The following HS2ST1 variants were observed in gnomAD, a reference collection of about 807,000 sequenced individuals.
HS2ST1 encodes heparan sulfate 2-O-sulfotransferase 1.
Under a neutral mutation model 42.9 loss-of-function variants are expected in HS2ST1, and 18 were observed. That is an observed-to-expected ratio of 0.42 (90% CI 0.29 to 0.62). The LOEUF is 0.62. Among genes scored for constraint, HS2ST1 ranks in the 20% least tolerant of loss-of-function variants. HS2ST1 has a pLI of 0.21. For synonymous variants in HS2ST1, 146 were observed against 152.9 expected (o/e 0.95, Z 0.33); for missense variants, 334 against 433.8 (o/e 0.77, Z 2.04).
Position 87,040,858 on chromosome 1 carries a change from A to G in HS2ST1, c.125-32076A>G, listed in dbSNP as rs145838030. ...ACTGTAAAAGGTGGAAAGTAGTACA[A>G]TTTCCAAGAATTAGTTAGCTCTTCA... On this transcript the variant is annotated intron_variant, in intron 1 of 6. Transcript: ENST00000370550. 4.6e-3 allele frequency among the ~76,000 whole-genome samples: 707 copies of G among 152,234 alleles called. 4 individuals are homozygous for G. Among genetic ancestry groups the G allele is most frequent in the Middle Eastern group, 0.02 (6 of 294 alleles).
At chr1:86,984,376 T>A (rs1488579235) in intron 1 of HS2ST1, among the ~76,000 whole-genome samples, 1 of 152,180 alleles carries the variant, frequency 6.6e-6, no homozygotes, top group Non-Finnish European at 1.5e-5. Context: ...AGCTTGGAAT[T>A]CATTTGGTTT....
chr1:87,064,609 A>G (rs1651200654), intron 1 of HS2ST1: 1 of 486,912 alleles, frequency 2.1e-6, no homozygotes, highest in Non-Finnish European at 4.1e-6. Context: ...TGCATATAGA[A>G]ATTTATTTTG....
intron 5 of HS2ST1, among the ~76,000 whole-genome samples, chr1:87,099,120 A>G (rs1315210878): frequency 6.6e-6 from 1 of 152,190 alleles, no homozygotes; most frequent in African/African-American, 2.4e-5. Flanking sequence ...AAACACAGCC[A>G]CATACATTTT....
At chr1:87,086,950 T>C (rs1651831022) in intron 3 of HS2ST1, among the ~76,000 whole-genome samples, 1 of 151,922 alleles carries the variant, frequency 6.6e-6, no homozygotes, top group Non-Finnish European at 1.5e-5. Flanking sequence ...ATTTTCCAGT[T>C]TAAAATTGTA....
intron 1 of HS2ST1, among the ~76,000 whole-genome samples, chr1:86,926,431 A>G (rs537332860): frequency 2.5e-4 from 38 of 152,312 alleles, no homozygotes; most frequent in African/African-American, 9.1e-4. Flanking sequence ...AATTAGACTG[A>G]GTTCTCTCTC....
chr1:87,076,137 C>T (rs976199642), intron 2 of HS2ST1, among the ~76,000 whole-genome samples: 2 of 151,982 alleles, frequency 1.3e-5, no homozygotes, highest in African/African-American at 4.8e-5. Flanking sequence ...CCCGAGAAAA[C>T]AAATTAATGT....
chr1:87,085,129 G>A (rs1651790390), intron 3 of HS2ST1, among the ~76,000 whole-genome samples: 1 of 152,060 alleles, frequency 6.6e-6, no homozygotes, highest in South Asian at 2.1e-4. Context: ...AGTACACATA[G>A]TACCATTGTA....
At chr1:86,933,581 G>C (rs1438750050) in intron 1 of HS2ST1, among the ~76,000 whole-genome samples, 6 of 152,056 alleles carry the variant, frequency 3.9e-5, no homozygotes, top group Admixed American at 3.9e-4. Context: ...AAAGCCCTTA[G>C]CACATTAATT....
intron 5 of HS2ST1, among the ~76,000 whole-genome samples, chr1:87,100,468 G>A (rs1652172931): frequency 1.3e-5 from 2 of 152,194 alleles, no homozygotes; most frequent in Admixed American, 1.3e-4. Context: ...AGGCTTCTGG[G>A]CCTGTGATGG....
chr1:87,008,974 G>T (rs1453122146), intron 1 of HS2ST1, among the ~76,000 whole-genome samples: 2 of 152,222 alleles, frequency 1.3e-5, no homozygotes, highest in African/African-American at 2.4e-5. Context: ...CTCCCAAGTA[G>T]CTGGGACCAC....
chr1:87,062,142 C>T (rs890529164), intron 1 of HS2ST1, among the ~76,000 whole-genome samples: 2 of 152,010 alleles, frequency 1.3e-5, no homozygotes, highest in South Asian at 4.1e-4. Context: ...CCTCTCAGTC[C>T]TGCCTTAACT....
chr1:86,989,390 A>G (rs947071418), intron 1 of HS2ST1, among the ~76,000 whole-genome samples: 1 of 152,236 alleles, frequency 6.6e-6, no homozygotes, highest in African/African-American at 2.4e-5. Context: ...CACATTCAGG[A>G]CAGTATAGTA....
intron 1 of HS2ST1, among the ~76,000 whole-genome samples, chr1:86,919,785 C>T (rs529681166): frequency 1.2e-4 from 19 of 152,066 alleles, no homozygotes; most frequent in East Asian, 5.8e-4. Flanking sequence ...AGTAACATAA[C>T]GTGCAGATTG....
At chr1:86,998,702 AC>A (rs1649181657) in intron 1 of HS2ST1, among the ~76,000 whole-genome samples, 2 of 152,120 alleles carry the variant, frequency 1.3e-5, no homozygotes. Flanking sequence ...AATTTATCTT[AC>A]TTTTGCTGTG....
chr1:87,050,564 G>C (rs1650805115), intron 1 of HS2ST1, among the ~76,000 whole-genome samples: 1 of 152,036 alleles, frequency 6.6e-6, no homozygotes, highest in South Asian at 2.1e-4. Context: ...TCACAAACCA[G>C]AGTCAACAAA....
chr1:86,993,147 C>G (rs1475717332), intron 1 of HS2ST1: 2 of 1,596,668 alleles, frequency 1.3e-6, no homozygotes, highest in South Asian at 1.1e-5. Context: ...TTTGGGGTAG[C>G]ATGTCCTAAA....
At chr1:86,998,942 T>A (rs1052799262) in intron 1 of HS2ST1, among the ~76,000 whole-genome samples, 3 of 152,172 alleles carry the variant, frequency 2.0e-5, no homozygotes, top group African/African-American at 7.2e-5. Flanking sequence ...TAATCTGCAT[T>A]TTAATAAGCT....
intron 1 of HS2ST1, among the ~76,000 whole-genome samples, chr1:87,022,152 T>G (rs1649969732): frequency 6.6e-6 from 1 of 152,206 alleles, no homozygotes; most frequent in African/African-American, 2.4e-5. Flanking sequence ...TCGGCTGGTA[T>G]TATTAAGTGG....
intron 1 of HS2ST1, among the ~76,000 whole-genome samples, chr1:86,998,467 G>A (rs1649170339): frequency 1.3e-5 from 2 of 152,128 alleles, no homozygotes; most frequent in South Asian, 2.1e-4. Context: ...TACACTGAGC[G>A]AATTTTTATT....
Sources: gnomAD v4.1 joint callset for allele counts (sites outside exome capture counted in the v4.1 genomes callset) on GRCh38, gnomAD v4.1.1 for gene constraint, MANE v1.5 for transcripts, NCBI Gene and HGNC (gene_info 2026-07-23, HGNC 2026-07-21) for gene names.